FAAH2: variants seen among roughly 807,000 people sequenced by gnomAD.
FAAH2 encodes the protein fatty acid amide hydrolase 2, also known as fatty-acid amide hydrolase 2.
Under a neutral mutation model 36.9 loss-of-function variants are expected in FAAH2, and 60 were observed. The observed-to-expected ratio is 1.63, with a 90% confidence interval of 1.32 to 2.02. FAAH2 has a LOEUF of 2.02. Among genes scored for constraint, FAAH2 ranks in the 30% most tolerant of loss-of-function variants. The pLI, the probability that FAAH2 is intolerant of heterozygous loss-of-function variation, is 0.00. For synonymous variants in FAAH2, 214 were observed against 143.8 expected, an observed-to-expected ratio of 1.49 and a Z score of -3.49; for missense variants, 689 against 397.5, an observed-to-expected ratio of 1.73 and a Z score of -6.23.
the FAAH2 span, among the ~76,000 whole-genome samples, chrX:57,189,974 A>T: frequency 1.8e-5 from 2 of 112,089 alleles, no homozygotes; most frequent in Non-Finnish European, 3.8e-5. Context: ...GCATGCAGGA[A>T]AGTTTAAGTC....
intron 7 of FAAH2, among the ~76,000 whole-genome samples, chrX:57,414,967 G>A (rs1398830301): frequency 9.3e-6 from 1 of 108,014 alleles, no homozygotes; most frequent in African/African-American, 3.4e-5. Flanking sequence ...GAGGGTGTAC[G>A]TGTCCAGGAA....
intron 3 of FAAH2, among the ~76,000 whole-genome samples, chrX:57,311,784 C>T (rs777870225): frequency 8.9e-6 from 1 of 112,069 alleles, no homozygotes; most frequent in Non-Finnish European, 1.9e-5. Context: ...TATTGATGCA[C>T]GTGAGTACTT....
At chrX:57,200,913 T>C in the FAAH2 span, among the ~76,000 whole-genome samples, 1 of 111,493 alleles carries the variant, frequency 9.0e-6, no homozygotes, top group Non-Finnish European at 1.9e-5. Flanking sequence ...TTTTTTCTTA[T>C]TAAATTACTC....
At chrX:57,190,722 G>T in the FAAH2 span, among the ~76,000 whole-genome samples, 2 of 110,318 alleles carry the variant, frequency 1.8e-5, no homozygotes, top group Non-Finnish European at 3.8e-5. Context: ...TCCTTGGGAT[G>T]CATCCATTGC....
In FAAH2 at chrX:57,286,901, C is replaced by A. The variant is rs761907195; in HGVS notation, c.76C>A (p.Arg26=). ...AGGCTTTCTCATAGGCTTAGTAGGCCGAGCAGCTTTAGTCTTAGGGGGTCC... is the reference window on the plus strand; with the variant it reads ...AGGCTTTCTCATAGGCTTAGTAGGCAGAGCAGCTTTAGTCTTAGGGGGTCC... ...ALGFLIGLVG[R]AALVLGGPKF... Residue 26 remains arginine, a synonymous_variant, in exon 1 of 11, where the codon CGA becomes AGA. Transcript: ENST00000374900. The A allele has an allele frequency of 2.5e-6, 3 of 1,204,858 alleles. No homozygotes were observed. The highest frequency in any genetic ancestry group is 2.2e-6 in the Non-Finnish European group (2 of 892,242).
At chrX:57,309,697 C>A (rs1230786668) in intron 2 of FAAH2, among the ~76,000 whole-genome samples, 3 of 111,050 alleles carry the variant, frequency 2.7e-5, no homozygotes, top group Non-Finnish European at 5.7e-5. Context: ...TGAGTGGGAA[C>A]ATATAATGTT....
chrX:57,383,211 G>A (rs1479312094), intron 7 of FAAH2, among the ~76,000 whole-genome samples: 1 of 111,889 alleles, frequency 8.9e-6, no homozygotes, highest in Non-Finnish European at 1.9e-5. Flanking sequence ...CAAACCCACA[G>A]CCAATATCAT....
chrX:57,432,229 G>A (rs1310446127), intron 8 of FAAH2, among the ~76,000 whole-genome samples, 192 bp downstream of exon 8: 1 of 111,515 alleles, frequency 9.0e-6, no homozygotes, highest in Non-Finnish European at 1.9e-5. Context: ...TTCACAGAGA[G>A]TGTGCCCATT....
the FAAH2 span, among the ~76,000 whole-genome samples, chrX:57,232,078 G>T: frequency 9.0e-6 from 1 of 111,657 alleles, no homozygotes; most frequent in African/African-American, 3.2e-5. Flanking sequence ...TTGACTGAAA[G>T]GCCCCAGTTT....
At position 57,436,921 on chromosome X, in the gene FAAH2, A is replaced by G. The variant is rs2056422494; in HGVS notation, c.1116+4884A>G. 2.7e-5 allele frequency among the ~76,000 whole-genome samples: 3 copies of G among 111,144 alleles called. No homozygotes were observed. In the Admixed American group the frequency reaches 2.9e-4, roughly 11 times the overall value. ...CCTGATACCAAAACCATACAAGAAC[A>G]CAACAACCACAGAAAAACTACAGAT... On this transcript the variant is annotated intron_variant, in intron 8 of 10. Transcript: ENST00000374900.
chrX:57,212,386 A>G, the FAAH2 span, among the ~76,000 whole-genome samples: 2 of 112,418 alleles, frequency 1.8e-5, no homozygotes, highest in East Asian at 2.8e-4. Flanking sequence ...AGTCTTCACT[A>G]TGCCAGTTAA....
At chrX:57,146,340 A>G in the FAAH2 span, among the ~76,000 whole-genome samples, 10 of 111,171 alleles carry the variant, frequency 9.0e-5, no homozygotes, top group East Asian at 2.8e-3. Context: ...TGTGAAAGGG[A>G]TTGAGTTCTT....
At chrX:57,462,272 A>T (rs2056973616) in intron 10 of FAAH2, among the ~76,000 whole-genome samples, 1 of 111,320 alleles carries the variant, frequency 9.0e-6, no homozygotes, top group Non-Finnish European at 1.9e-5. Flanking sequence ...GATTCCGAAG[A>T]ATAGAAGAAG....
At chrX:57,338,946 G>A (rs955563080) in intron 4 of FAAH2, among the ~76,000 whole-genome samples, 4 of 111,409 alleles carry the variant, frequency 3.6e-5, no homozygotes, top group Non-Finnish European at 7.5e-5. Flanking sequence ...AAAAGAGCCC[G>A]AGTAGCCAAG....
chrX:57,419,045 A>G (rs1472279475), intron 7 of FAAH2, among the ~76,000 whole-genome samples: 1 of 105,443 alleles, frequency 9.5e-6, no homozygotes. Flanking sequence ...AAGGACATGA[A>G]CTCATCATTT....
chrX:57,152,152 A>G, the FAAH2 span, among the ~76,000 whole-genome samples: 3 of 111,839 alleles, frequency 2.7e-5, no homozygotes, highest in East Asian at 8.5e-4. Flanking sequence ...AGGGGTACTC[A>G]GCTGTGTGAG....
At chrX:57,251,943 C>A in the FAAH2 span, among the ~76,000 whole-genome samples, 66 of 111,942 alleles carry the variant, frequency 5.9e-4, 1 homozygote, top group South Asian at 6.0e-3. Context: ...TTTCCCTTTC[C>A]TAGCCAAGGG....
At chrX:57,121,876 G>T in the FAAH2 span, 1 of 43,895 alleles carries the variant, frequency 2.3e-5, no homozygotes, top group African/African-American at 9.3e-5. Context: ...CCCCTGCACC[G>T]TCCCATGCCC....
intron 7 of FAAH2, among the ~76,000 whole-genome samples, chrX:57,430,588 G>C (rs1372816090): frequency 9.0e-6 from 1 of 111,192 alleles, no homozygotes; most frequent in Non-Finnish European, 1.9e-5. Context: ...GAATATAATG[G>C]AATTATTATC....
Sources: gnomAD v4.1 joint callset for allele counts (sites outside exome capture counted in the v4.1 genomes callset) on GRCh38, gnomAD v4.1.1 for gene constraint, MANE v1.5 for transcripts, NCBI Gene and HGNC (gene_info 2026-07-23, HGNC 2026-07-21) for gene names.